Variants in SPNS3 observed in about 807,000 individuals in gnomAD.
SPNS3 encodes the protein SPNS lysolipid transporter 3, sphingosine-1-phosphate (putative).
Under a neutral mutation model 54.4 loss-of-function variants are expected in SPNS3, and 51 were observed. That is an observed-to-expected ratio of 0.94 (90% CI 0.75 to 1.18). SPNS3 has a LOEUF of 1.18. SPNS3 is among the 50% of genes most tolerant of loss of function. The pLI, the probability that SPNS3 is intolerant of heterozygous loss-of-function variation, is 0.00. For synonymous variants in SPNS3, 309 were observed against 294.7 expected (o/e 1.05, Z -0.50); for missense variants, 669 against 677.4 (o/e 0.99, Z 0.14).
intron 8 of SPNS3, among the ~76,000 whole-genome samples, chr17:4,471,691 C>T (rs1971857758): frequency 6.6e-6 from 1 of 151,970 alleles, no homozygotes; most frequent in Admixed American, 6.6e-5. Context: ...GTCTCAAACT[C>T]CTCGGCTCAA....
chr17:4,435,627 G>A (rs565384247), intron 1 of SPNS3, among the ~76,000 whole-genome samples: 2 of 152,182 alleles, frequency 1.3e-5, no homozygotes, highest in South Asian at 4.2e-4. Flanking sequence ...GGCCAGACAA[G>A]AATAGCTCCT....
At chr17:4,436,931 C>T (rs1184059885) in intron 1 of SPNS3, among the ~76,000 whole-genome samples, 3 of 152,182 alleles carry the variant, frequency 2.0e-5, no homozygotes, top group Admixed American at 6.6e-5. Context: ...TCTGAACCCA[C>T]GAGCCTGGGG....
At chr17:4,438,878 A>ATGTGTCTG (rs1333097674) in intron 1 of SPNS3, among the ~76,000 whole-genome samples, 1 of 151,922 alleles carries the variant, frequency 6.6e-6, no homozygotes, top group Non-Finnish European at 1.5e-5. Context: ...CTCACTGCAC[A>ATGTGTCTG]TGTGTCTGTG....
intron 8 of SPNS3, among the ~76,000 whole-genome samples, chr17:4,465,376 G>A (rs974316334): frequency 6.6e-6 from 1 of 150,958 alleles, no homozygotes; most frequent in Non-Finnish European, 1.5e-5. Flanking sequence ...TGCATTCTCT[G>A]CATTCTATTT....
rs748097946 is a variant in SPNS3 at position 4,433,999 on chromosome 17, A to G, written c.32A>G (p.Glu11Gly). The change falls in exon 1 of 12, where the codon GAG (glutamate) becomes GGG (glycine). Residue 11 changes from glutamate to glycine, a missense_variant. By Grantham distance (98) the Glu-to-Gly change is moderately conservative (BLOSUM62 -2). Coordinates refer to ENST00000355530, the MANE Select transcript of SPNS3 (RefSeq NM_182538.5). ...GGGGGGATGTCAGCGGAGTGCCCTG[A>G]GCCTGGGCCAGGAGGTCTGCAGGGC... MAGGMSAECP[E>G]PGPGGLQGQS... 2 of 1,584,942 alleles carry G rather than the reference A, an allele frequency of 1.3e-6. No homozygotes were observed. The highest frequency in any genetic ancestry group is 3.5e-5 in the Admixed American group (2 of 56,768).
intron 8 of SPNS3, among the ~76,000 whole-genome samples, chr17:4,472,225 C>T (rs1971874693): frequency 6.6e-6 from 1 of 152,084 alleles, no homozygotes; most frequent in Non-Finnish European, 1.5e-5. Flanking sequence ...AATATGTATC[C>T]ATAGTTTACA....
At chr17:4,480,630 T>C (rs116350373) in intron 9 of SPNS3, among the ~76,000 whole-genome samples, 4,069 of 152,246 alleles carry the variant, frequency 0.027, 183 homozygotes, top group African/African-American at 0.092. Context: ...AGCCAGGCTC[T>C]TTGTGGGGTT....
At chr17:4,460,525 G>C (rs1057085277) in intron 8 of SPNS3, among the ~76,000 whole-genome samples, 15 of 149,502 alleles carry the variant, frequency 1.0e-4, no homozygotes, top group African/African-American at 3.7e-4. Context: ...TCTGCCGCCC[G>C]GGTTCACACC....
intron 1 of SPNS3, among the ~76,000 whole-genome samples, chr17:4,436,421 T>C (rs1248233053): frequency 2.0e-5 from 3 of 152,046 alleles, no homozygotes; most frequent in African/African-American, 7.2e-5. Flanking sequence ...AGAAAAACCT[T>C]GTCTCTACAA....
Position 4,445,021 on chromosome 17 carries a change from G to C in SPNS3, c.266-11G>C. ...GGGGGGATCCAGGCTGCCCCTGTGT[G>C]TCTCCTTCAGTCTTCGTTAGCTGCC... On this transcript the variant is annotated splice_polypyrimidine_tract_variant and intron_variant, in intron 2 of 11. Coordinates refer to ENST00000355530, the MANE Select transcript of SPNS3 (RefSeq NM_182538.5). The C allele has an allele frequency of 1.2e-6, 2 of 1,611,888 alleles. No individual in the cohort carries two copies. The highest frequency in any genetic ancestry group is 1.7e-6 in the Non-Finnish European group (2 of 1,178,712).
At chr17:4,443,812 G>A (rs1970912757) in intron 2 of SPNS3, among the ~76,000 whole-genome samples, 1 of 152,182 alleles carries the variant, frequency 6.6e-6, no homozygotes, top group African/African-American at 2.4e-5. Context: ...TAGAAAAATG[G>A]ACAGTGGGCC....
intron 9 of SPNS3, among the ~76,000 whole-genome samples, chr17:4,478,944 C>T (rs1972085371): frequency 1.3e-5 from 2 of 152,104 alleles, no homozygotes; most frequent in African/African-American, 2.4e-5. Context: ...CTACTTCCCT[C>T]CCTCTTTTCT....
intron 7 of SPNS3, among the ~76,000 whole-genome samples, chr17:4,449,696 G>A (rs1971107821): frequency 6.6e-6 from 1 of 152,076 alleles, no homozygotes; most frequent in African/African-American, 2.4e-5. Flanking sequence ...GCTTCTGTGG[G>A]GCTGTGGGAT....
At chr17:4,473,730 A>T (rs958639995) in intron 8 of SPNS3, among the ~76,000 whole-genome samples, 1 of 151,992 alleles carries the variant, frequency 6.6e-6, no homozygotes, top group Non-Finnish European at 1.5e-5. Flanking sequence ...CCTGGGATGG[A>T]GGCCTGATAA....
chr17:4,486,352 TG>T lies in SPNS3; in HGVS notation c.1278+30del. On this transcript the variant is annotated intron_variant, in intron 10 of 11. Coordinates refer to ENST00000355530, the MANE Select transcript of SPNS3 (RefSeq NM_182538.5). The surrounding 1 kb of genome is among the most constrained non-coding windows in gnomAD (Gnocchi z 5.5). ...GTAAGACGTGTCTGCGTGTGTGGGG[TG>T]GGGAGGGTCTGGGGGCCAGGCTGGT... is the stretch of plus-strand genomic sequence containing the variant. 7.1e-7 allele frequency: 1 copy of T among 1,414,720 alleles called. No homozygotes were observed. Among genetic ancestry groups the T allele is most frequent in the Non-Finnish European group, 9.9e-7 (1 of 1,011,188 alleles). 87.6% of individuals were successfully genotyped at this position (1,414,720 alleles called of 1,614,324 possible).
chr17:4,442,731 G>A (rs1209055137), intron 2 of SPNS3, among the ~76,000 whole-genome samples: 1 of 152,050 alleles, frequency 6.6e-6, no homozygotes, highest in East Asian at 1.9e-4. Context: ...TAATCTTCAC[G>A]ACAATCCCAC....
intron 9 of SPNS3, chr17:4,482,704 C>T (rs1972200070): frequency 6.6e-6 from 1 of 152,354 alleles, no homozygotes; most frequent in African/African-American, 2.4e-5. Flanking sequence ...GATCGTGTCC[C>T]CTGAACCCGC....
At chr17:4,463,396 C>CA (rs368770425) in intron 8 of SPNS3, among the ~76,000 whole-genome samples, 17,155 of 121,906 alleles carry the variant, frequency 0.14, 1,321 homozygotes, top group Non-Finnish European at 0.19. Flanking sequence ...GACTCTGTCT[C>CA]AAAAAAAAAA....
chr17:4,449,420 C>A (rs775551302), intron 7 of SPNS3, 33 bp downstream of exon 7: 8 of 1,547,692 alleles, frequency 5.2e-6, no homozygotes, highest in Non-Finnish European at 6.9e-6. Context: ...GGCACCTGGC[C>A]CGGCTCGGGG....
Sources: gnomAD v4.1 joint callset for allele counts (sites outside exome capture counted in the v4.1 genomes callset) on GRCh38, gnomAD v4.1.1 for gene constraint, Gnocchi (gnomAD v3.1) non-coding constraint, MANE v1.5 for transcripts, NCBI Gene and HGNC (gene_info 2026-07-23, HGNC 2026-07-21) for gene names.